The following GNB1L variants were observed in gnomAD, a reference collection of about 807,000 sequenced individuals.
GNB1L encodes the protein G protein subunit beta 1 like.
In GNB1L, 20 loss-of-function variants were observed where a neutral mutation model predicts 29.1. The observed-to-expected ratio is 0.69, with a 90% CI of 0.48 to 1.00. The LOEUF (loss-of-function observed/expected upper bound fraction) is 1.00, where lower values mean the gene tolerates loss of function less well. Among genes scored for constraint, GNB1L ranks in the 50% least tolerant of loss-of-function variants. GNB1L has a pLI of 0.00. For synonymous variants in GNB1L, 193 were observed against 206.5 expected (o/e 0.93, Z 0.56); for missense variants, 421 against 464.9 (o/e 0.91, Z 0.87).
intron 2 of GNB1L, chr22:19,849,789 T>C: frequency 1.0e-6 from 1 of 985,478 alleles, no homozygotes; most frequent in Non-Finnish European, 1.2e-6. Context: ...TTTTGTTGTT[T>C]TCACAATTGT....
chr22:19,797,569 G>A (rs1937320937), intron 7 of GNB1L, among the ~76,000 whole-genome samples: 2 of 152,254 alleles, frequency 1.3e-5, no homozygotes, highest in Admixed American at 6.5e-5. Flanking sequence ...GAGGAGCCTC[G>A]CCTGGCGAGG....
At chr22:19,849,025 A>G in intron 2 of GNB1L, 1 of 985,152 alleles carries the variant, frequency 1.0e-6, no homozygotes, top group Non-Finnish European at 1.2e-6. Context: ...CAACCCACAA[A>G]AGGGGGGATG....
intron 2 of GNB1L, among the ~76,000 whole-genome samples, chr22:19,832,336 C>A (rs1311470434): frequency 1.3e-5 from 2 of 152,052 alleles, no homozygotes; most frequent in South Asian, 2.1e-4. Context: ...TCCCACCCCC[C>A]AAAAAATCCC....
At chr22:19,798,202 G>A (rs1392940913) in intron 7 of GNB1L, among the ~76,000 whole-genome samples, 1 of 152,218 alleles carries the variant, frequency 6.6e-6, no homozygotes. Context: ...GCTGCGCAGG[G>A]CCGTGAGGGG....
At chr22:19,830,722 T>C (rs1231266179) in intron 2 of GNB1L, among the ~76,000 whole-genome samples, 1 of 152,182 alleles carries the variant, frequency 6.6e-6, no homozygotes, top group Non-Finnish European at 1.5e-5. Context: ...AACAAAAATG[T>C]AGCATGCACA....
intron 2 of GNB1L, among the ~76,000 whole-genome samples, chr22:19,826,842 G>T (rs1380349083): frequency 6.6e-6 from 1 of 152,098 alleles, no homozygotes; most frequent in Non-Finnish European, 1.5e-5. Flanking sequence ...TGCCAACAAT[G>T]CTCAACCTCA....
chr22:19,840,085 TGATAA>T (rs1937833493), intron 2 of GNB1L, among the ~76,000 whole-genome samples: 1 of 151,412 alleles, frequency 6.6e-6, no homozygotes, highest in African/African-American at 2.4e-5. Context: ...AAGTATACTA[TGATAA>T]AAGTTATGTG....
intron 6 of GNB1L, among the ~76,000 whole-genome samples, chr22:19,803,839 G>A (rs1037207143): frequency 6.6e-6 from 1 of 152,220 alleles, no homozygotes; most frequent in African/African-American, 2.4e-5. Context: ...GCTCTGTGGT[G>A]GCACCTGTTC....
In GNB1L at chr22:19,850,925, C is replaced by T. The variant is rs3827287; in HGVS notation, c.-21+3518G>A. On this transcript the variant is annotated intron_variant, in intron 2 of 7. Coordinates refer to ENST00000329517, the MANE Select transcript of GNB1L (RefSeq NM_053004.3). Reference sequence around the variant, plus strand: ...TGGGTGAGACGGCACTCCCAGAAGACGGGCAGGGATGCAGCAGAGAGCCAG... The same window carrying T: ...TGGGTGAGACGGCACTCCCAGAAGATGGGCAGGGATGCAGCAGAGAGCCAG... 4.1e-4 allele frequency: 565 copies of T among 1,362,110 alleles called. 10 individuals carry two copies. In the East Asian group the frequency reaches 0.011, roughly 27 times the overall value. 84.4% of individuals were successfully genotyped at this position (1,362,110 alleles called of 1,614,324 possible). A position where few individuals can be genotyped will look rare whatever the true frequency, so the allele number is the denominator to read the frequency against.
In GNB1L at chr22:19,806,646, C is replaced by T. The variant is rs371531644; in HGVS notation, c.516+13G>A. 9 of 1,568,898 alleles carry T rather than the reference C, an allele frequency of 5.7e-6. No individual in the cohort carries two copies. Among genetic ancestry groups the T allele is most frequent in the East Asian group, 2.2e-5 (1 of 44,514 alleles). ...TGGCCGGCAGGGCGTGGCTGGTGCACGCGGGGCCTTACCTGCCACAGCCGC... is the reference window on the plus strand; with the variant it reads ...TGGCCGGCAGGGCGTGGCTGGTGCATGCGGGGCCTTACCTGCCACAGCCGC... On this transcript the variant is annotated intron_variant, in intron 6 of 7. Transcript: ENST00000329517.
rs1230894900 is a variant in GNB1L, at chr22:19,821,251, C to A, written c.105G>T (p.Gln35His). 3 of 1,612,186 alleles carry A rather than the reference C, an allele frequency of 1.9e-6. No individual in the cohort carries two copies. The East Asian group carries it at 6.7e-5, about 36-fold the overall frequency. ...ACCCTGAGAAGAGGAGCGGGCGCCC[C>A]TGAGCCTGGGCTCCTTCGCAGAAGT... is the stretch of plus-strand genomic sequence containing the variant. ...ALHFCEGAQA[Q>H]GRPLLFSGSQ... The change falls in exon 3 of 8, where the codon CAG becomes CAT. Residue 35 changes from glutamine (Q) to histidine (H), a missense_variant. Coordinates refer to ENST00000329517, the MANE Select transcript of GNB1L (RefSeq NM_053004.3).
chr22:19,830,452 G>A (rs917359400), intron 2 of GNB1L, among the ~76,000 whole-genome samples: 2 of 151,860 alleles, frequency 1.3e-5, no homozygotes, highest in African/African-American at 4.8e-5. Flanking sequence ...TACCAAAGAA[G>A]ATAAAATACT....
intron 2 of GNB1L, among the ~76,000 whole-genome samples, chr22:19,829,004 G>A (rs1439217674): frequency 1.3e-5 from 2 of 151,950 alleles, no homozygotes; most frequent in Non-Finnish European, 2.9e-5. Flanking sequence ...GCTAATTTCT[G>A]TATTTTTAAT....
rs976269625 is a variant in GNB1L at position 19,831,422 on chromosome 22, T to A, written c.-20-10047A>T. On this transcript the variant is annotated intron_variant, in intron 2 of 7. Transcript: ENST00000329517. ...AATTCTGACTATAGAAAAATAAAAA[T>A]TTTTCATGCCTGTAATCCCAGCACT... is the stretch of plus-strand genomic sequence containing the variant. 5.6e-5 allele frequency among the ~76,000 whole-genome samples: 8 copies of A among 142,810 alleles called. No homozygotes were observed. In the East Asian group the frequency reaches 1.7e-3, roughly 30 times the overall value. The allele number at this position is 142,810 out of a possible 152,430, so 93.7% of individuals were successfully genotyped here.
chr22:19,821,383 C>T lies in GNB1L; in HGVS notation c.-20-8G>A. Reference sequence around the variant, plus strand: ...TGGGCAGGATGCAGTTACCTGGGCACCAAGGGAGGGCGTGTGAGTGACTGC... The same window carrying T: ...TGGGCAGGATGCAGTTACCTGGGCATCAAGGGAGGGCGTGTGAGTGACTGC... On this transcript the variant is annotated splice_polypyrimidine_tract_variant and splice_region_variant and intron_variant, in intron 2 of 7. Transcript: ENST00000329517. 6.2e-7 allele frequency: 1 copy of T among 1,609,126 alleles called. No homozygotes were observed. The highest frequency in any genetic ancestry group is 1.7e-4 in the Middle Eastern group (1 of 6,050).
intron 2 of GNB1L, among the ~76,000 whole-genome samples, chr22:19,845,402 C>T (rs2145900220): frequency 6.6e-6 from 1 of 152,346 alleles, no homozygotes; most frequent in Non-Finnish European, 1.5e-5. Flanking sequence ...ACAAACACTC[C>T]CCAGTCCCCT....
intron 2 of GNB1L, chr22:19,851,633 G>A: frequency 6.3e-7 from 1 of 1,593,902 alleles, no homozygotes; most frequent in South Asian, 1.1e-5. Flanking sequence ...CCTCACCACA[G>A]GCAGCTGAGG....
chr22:19,850,927 G>A lies in GNB1L; in HGVS notation c.-21+3516C>T, dbSNP rs1938079351. The A allele has an allele frequency of 2.9e-6, 4 of 1,365,970 alleles. No individual in the cohort carries two copies. The South Asian group carries it at 8.1e-5, about 28-fold the overall frequency. The allele number at this position is 1,365,970 out of a possible 1,614,324, so 84.6% of individuals were successfully genotyped here. On this transcript the variant is annotated intron_variant, in intron 2 of 7. Transcript: ENST00000329517. ...GGTGAGACGGCACTCCCAGAAGACG[G>A]GCAGGGATGCAGCAGAGAGCCAGCA...
intron 7 of GNB1L, among the ~76,000 whole-genome samples, chr22:19,793,736 TAAC>T (rs1937276872): frequency 6.6e-6 from 1 of 152,188 alleles, no homozygotes; most frequent in African/African-American, 2.4e-5. Context: ...AGAAACAATG[TAAC>T]AACATCTTTA....
Sources: allele counts gnomAD v4.1 joint callset (sites outside exome capture counted in the v4.1 genomes callset), GRCh38; gene constraint gnomAD v4.1.1; transcripts MANE v1.5; gene names NCBI Gene and HGNC (gene_info 2026-07-23, HGNC 2026-07-21).